SNCAIP: variants seen among roughly 807,000 people sequenced by gnomAD.
SNCAIP encodes the protein synuclein alpha interacting protein, also known as synphilin-1.
Under a neutral mutation model 86.7 loss-of-function variants are expected in SNCAIP, and 43 were observed. The ratio of observed to expected loss-of-function variants is 0.50; its 90% CI spans 0.39 to 0.64. The LOEUF is 0.64. Among genes scored for constraint, SNCAIP ranks in the 30% least tolerant of loss-of-function variants. SNCAIP has a pLI of 0.00. For synonymous variants in SNCAIP, 417 were observed against 427.2 expected, an observed-to-expected ratio of 0.98 and a Z score of 0.29; for missense variants, 981 against 1,103.1, an observed-to-expected ratio of 0.89 and a Z score of 1.57.
chr5:122,431,931 C>A, intron 5 of SNCAIP, 38 bp from the exon 6 acceptor site: 1 of 984,586 alleles, frequency 1.0e-6, no homozygotes, highest in Non-Finnish European at 1.6e-6. Context: ...ACCTGAGTTA[C>A]CTTGAATTTC....
intron 2 of SNCAIP, among the ~76,000 whole-genome samples, chr5:122,402,061 C>T (rs989812269): frequency 6.6e-6 from 1 of 151,868 alleles, no homozygotes; most frequent in African/African-American, 2.4e-5. Context: ...CTTAAATTTC[C>T]TCTTTCTAAA....
At chr5:122,384,169 G>A (rs959253414) in intron 1 of SNCAIP, among the ~76,000 whole-genome samples, 1 of 152,154 alleles carries the variant, frequency 6.6e-6, no homozygotes, top group Non-Finnish European at 1.5e-5. Context: ...AGCAGTCCAG[G>A]GCAAGTCAGA....
At chr5:122,451,718 C>T in intron 10 of SNCAIP, 117 bp downstream of exon 10, 1 of 758,552 alleles carries the variant, frequency 1.3e-6, no homozygotes, top group Non-Finnish European at 2.2e-6. Context: ...AAAAAAAATC[C>T]AAAGGGATGC....
At chr5:122,449,141 G>T (rs561218725) in intron 8 of SNCAIP, among the ~76,000 whole-genome samples, 1 of 152,090 alleles carries the variant, frequency 6.6e-6, no homozygotes, top group African/African-American at 2.4e-5. Flanking sequence ...GTAGAACATC[G>T]TATCCTAGCC....
intron 5 of SNCAIP, among the ~76,000 whole-genome samples, chr5:122,426,035 G>A (rs932580814): frequency 6.6e-6 from 1 of 152,186 alleles, no homozygotes; most frequent in African/African-American, 2.4e-5. Context: ...GCAGAGCACA[G>A]TACGCTACCA....
At chr5:122,345,553 C>A (rs1393763413) in intron 1 of SNCAIP, among the ~76,000 whole-genome samples, 1 of 152,134 alleles carries the variant, frequency 6.6e-6, no homozygotes, top group African/African-American at 2.4e-5. Flanking sequence ...CACAGTGCAT[C>A]AGCGATGGAT....
intron 10 of SNCAIP, chr5:122,454,311 A>T (rs1359437604): frequency 6.5e-6 from 1 of 152,700 alleles, no homozygotes; most frequent in Non-Finnish European, 1.5e-5. Flanking sequence ...GAGAGAAATT[A>T]AATCTCAGTC....
intron 1 of SNCAIP, among the ~76,000 whole-genome samples, chr5:122,347,841 T>A (rs749545674): frequency 6.6e-6 from 1 of 152,082 alleles, no homozygotes; most frequent in Non-Finnish European, 1.5e-5. Context: ...GAAGGCAAAG[T>A]TGAATTTGGG....
chr5:122,315,105 T>C (rs1202429606), intron 1 of SNCAIP, among the ~76,000 whole-genome samples: 1 of 152,216 alleles, frequency 6.6e-6, no homozygotes, highest in Non-Finnish European at 1.5e-5. Context: ...CAAAATGCAT[T>C]TACTTAAAAT....
intron 3 of SNCAIP, among the ~76,000 whole-genome samples, chr5:122,412,030 AC>A (rs1774247346): frequency 6.6e-6 from 1 of 152,146 alleles, no homozygotes; most frequent in Non-Finnish European, 1.5e-5. Flanking sequence ...CTTCTCTTGG[AC>A]CAGCAGGCTT....
intron 1 of SNCAIP, among the ~76,000 whole-genome samples, chr5:122,362,318 G>A (rs1402315946): frequency 6.6e-6 from 1 of 152,180 alleles, no homozygotes; most frequent in African/African-American, 2.4e-5. Flanking sequence ...AAGACTGTGA[G>A]ATGAATATGG....
chr5:122,319,054 T>C (rs981567328), intron 1 of SNCAIP, among the ~76,000 whole-genome samples: 3 of 151,580 alleles, frequency 2.0e-5, no homozygotes, highest in Non-Finnish European at 4.4e-5. Context: ...TCCTTCCTCC[T>C]GGCGACTGCC....
chr5:122,392,291 A>G (rs779075575), intron 2 of SNCAIP, among the ~76,000 whole-genome samples: 6 of 151,888 alleles, frequency 4.0e-5, no homozygotes, highest in Non-Finnish European at 5.9e-5. Flanking sequence ...ACATTTGCCT[A>G]TTTCAGCTTC....
intron 2 of SNCAIP, among the ~76,000 whole-genome samples, chr5:122,392,436 C>G (rs1561653767): frequency 6.6e-6 from 1 of 152,138 alleles, no homozygotes; most frequent in Non-Finnish European, 1.5e-5. Context: ...TTCTCTTTCT[C>G]TCTCTAAGTC....
intron 1 of SNCAIP, among the ~76,000 whole-genome samples, chr5:122,333,736 C>T (rs973002447): frequency 2.6e-5 from 4 of 152,232 alleles, no homozygotes; most frequent in Non-Finnish European, 4.4e-5. Flanking sequence ...ACAGAGCTTA[C>T]TATATGACTT....
At chr5:122,315,698 A>G (rs1189256020) in intron 1 of SNCAIP, among the ~76,000 whole-genome samples, 1 of 152,168 alleles carries the variant, frequency 6.6e-6, no homozygotes, top group Non-Finnish European at 1.5e-5. Context: ...TTTTTTTTCT[A>G]TAAACCCCAG....
intron 3 of SNCAIP, among the ~76,000 whole-genome samples, chr5:122,404,136 A>G (rs1306472759): frequency 6.6e-6 from 1 of 152,176 alleles, no homozygotes; most frequent in African/African-American, 2.4e-5. Flanking sequence ...TCTCCAAACC[A>G]CAATATATGC....
At chr5:122,425,150 T>C in intron 4 of SNCAIP, among the ~76,000 whole-genome samples, 1 of 152,236 alleles carries the variant, frequency 6.6e-6, no homozygotes, top group East Asian at 1.9e-4. Flanking sequence ...ATGTCTCGTA[T>C]GAAGATCTGT....
intron 8 of SNCAIP, 86 bp from the exon 9 acceptor site, chr5:122,449,759 G>A (rs1224846756): frequency 1.1e-6 from 1 of 942,168 alleles, no homozygotes; most frequent in Admixed American, 1.7e-5. Context: ...CAACTTACTG[G>A]AAATTATTAC....
Sources: allele counts gnomAD v4.1 joint callset (sites outside exome capture counted in the v4.1 genomes callset), GRCh38; gene constraint gnomAD v4.1.1; transcripts MANE v1.5; gene names NCBI Gene and HGNC (gene_info 2026-07-23, HGNC 2026-07-21).